The following GRM1 variants were observed in gnomAD, a reference collection of about 807,000 sequenced individuals.
GRM1 encodes glutamate metabotropic receptor 1.
GRM1 carries 33 observed loss-of-function variants against 90.9 expected under a neutral mutation model. The observed-to-expected ratio is 0.36, with a 90% confidence interval of 0.28 to 0.49. The LOEUF is 0.49. GRM1 is among the 20% of genes least tolerant of loss of function. The pLI, the probability that GRM1 is intolerant of heterozygous loss-of-function variation, is 0.99. For missense variants in GRM1, 1,190 were observed against 1,534.3 expected, an observed-to-expected ratio of 0.78 and a Z score of 3.75; for synonymous variants, 700 against 613.2, an observed-to-expected ratio of 1.14 and a Z score of -2.09.
chr6:146,326,542 C>T (rs1271079514), intron 3 of GRM1, among the ~76,000 whole-genome samples: 3 of 151,878 alleles, frequency 2.0e-5, no homozygotes, highest in African/African-American at 7.3e-5. Context: ...ACCCCCAGAA[C>T]ACAAGTTTAC....
At chr6:146,159,286 C>T in intron 1 of GRM1, 62 bp from the exon 2 acceptor site, 1 of 1,604,146 alleles carries the variant, frequency 6.2e-7, no homozygotes, top group Non-Finnish European at 8.5e-7. Context: ...GTTGTTATTC[C>T]ATTGTGTAAG....
chr6:146,224,625 G>A (rs768656405), intron 2 of GRM1, among the ~76,000 whole-genome samples: 6 of 152,078 alleles, frequency 3.9e-5, no homozygotes, highest in Non-Finnish European at 4.4e-5. Context: ...TCTGTGTTTC[G>A]TAACATGTCC....
At chr6:146,420,656 C>T (rs977327913) in intron 7 of GRM1, among the ~76,000 whole-genome samples, 1 of 152,126 alleles carries the variant, frequency 6.6e-6, no homozygotes, top group Non-Finnish European at 1.5e-5. Context: ...CCTAGGGAAA[C>T]AGACAATAGA....
rs574858884 is a variant in GRM1 at position 146,118,755 on chromosome 6, A to G, written c.701-40593A>G. On this transcript the variant is annotated intron_variant, in intron 1 of 7. Transcript: ENST00000282753. ...GGTTTCCAGCTTCATCCATGTCCCT[A>G]CAAAGGACATGAACTCATCCTTTTT... 5.5e-4 allele frequency among the ~76,000 whole-genome samples: 83 copies of G among 152,284 alleles called. No individual in the cohort carries two copies. The East Asian group carries it at 0.013, about 24-fold the overall frequency.
chr6:146,422,486 G>A (rs1778031361), intron 7 of GRM1, among the ~76,000 whole-genome samples: 1 of 152,060 alleles, frequency 6.6e-6, no homozygotes, highest in African/African-American at 2.4e-5. Context: ...AATAGCAATG[G>A]CTTATGGATT....
intron 2 of GRM1, among the ~76,000 whole-genome samples, chr6:146,217,816 A>G (rs1466342246): frequency 6.7e-6 from 1 of 149,578 alleles, no homozygotes; most frequent in Non-Finnish European, 1.5e-5. Flanking sequence ...TCAAGAATAG[A>G]GGAATATTTG....
chr6:146,198,080 A>G (rs1277231422), intron 2 of GRM1, among the ~76,000 whole-genome samples: 1 of 152,246 alleles, frequency 6.6e-6, no homozygotes, highest in South Asian at 2.1e-4. Context: ...GATTGTAGTG[A>G]TGGTATCATG....
intron 1 of GRM1, among the ~76,000 whole-genome samples, chr6:146,063,646 C>T (rs912407328): frequency 5.9e-5 from 9 of 151,554 alleles, no homozygotes; most frequent in African/African-American, 1.5e-4. Context: ...TATTTAATTC[C>T]GTATGCACAG....
In GRM1 at chr6:146,399,109, G is replaced by A. The variant is rs1777068148; in HGVS notation, c.2070G>A (p.Lys690=). The A allele has an allele frequency of 6.2e-7, 1 of 1,614,120 alleles. No individual in the cohort carries two copies. Among genetic ancestry groups the A allele is most frequent in the Middle Eastern group, 1.6e-4 (1 of 6,062 alleles). The stretch of plus-strand genomic sequence containing the variant: ...TTGCACGCATCCTGGCTGGCAGCAA[G>A]AAGAAGATCTGCACCCGGAAGCCCA... The part of the protein sequence containing the change: ...NRIARILAGS[K]KKICTRKPRF... Residue 690 remains lysine (K), a synonymous_variant, in exon 7 of 8, where the codon AAG becomes AAA. Transcript: ENST00000282753. This position sits in a 1 kb window ranked among gnomAD's most constrained non-coding sequence, Gnocchi z 5.4.
chr6:146,398,519 G>A (rs1361410455), intron 6 of GRM1, among the ~76,000 whole-genome samples: 3 of 152,164 alleles, frequency 2.0e-5, no homozygotes, highest in African/African-American at 4.8e-5. Context: ...GATGTTGGAA[G>A]AAAAGATCAT....
chr6:146,178,312 G>T (rs1267263912), intron 2 of GRM1, among the ~76,000 whole-genome samples: 2 of 152,072 alleles, frequency 1.3e-5, no homozygotes, highest in Non-Finnish European at 2.9e-5. Flanking sequence ...TTATGGATTT[G>T]GGGGATTAAG....
intron 2 of GRM1, among the ~76,000 whole-genome samples, chr6:146,241,418 G>T (rs1379984879): frequency 6.6e-6 from 1 of 152,048 alleles, no homozygotes; most frequent in East Asian, 1.9e-4. Context: ...TCTTAAAAGG[G>T]AATAATATTG....
At chr6:146,101,623 A>G (rs1174218445) in intron 1 of GRM1, among the ~76,000 whole-genome samples, 2 of 152,038 alleles carry the variant, frequency 1.3e-5, no homozygotes, top group East Asian at 1.9e-4. Flanking sequence ...TCCTCTCACA[A>G]TTAAAGCCAA....
chr6:146,071,748 C>T (rs1285450941), intron 1 of GRM1, among the ~76,000 whole-genome samples: 1 of 152,110 alleles, frequency 6.6e-6, no homozygotes, highest in Non-Finnish European at 1.5e-5. Flanking sequence ...AAAACCTTGA[C>T]CAACCCAATA....
At chr6:146,322,936 C>T (rs957815574) in intron 3 of GRM1, among the ~76,000 whole-genome samples, 1 of 152,106 alleles carries the variant, frequency 6.6e-6, no homozygotes, top group Non-Finnish European at 1.5e-5. Flanking sequence ...ATGAACTCAT[C>T]ATTTTTTATG....
At chr6:146,182,984 C>T (rs1375944849) in intron 2 of GRM1, among the ~76,000 whole-genome samples, 1 of 152,020 alleles carries the variant, frequency 6.6e-6, no homozygotes, top group Admixed American at 6.6e-5. Context: ...TTAGTTACTA[C>T]AGTAGAAATG....
At chr6:146,253,716 A>G (rs1185877457) in intron 2 of GRM1, among the ~76,000 whole-genome samples, 4 of 152,174 alleles carry the variant, frequency 2.6e-5, no homozygotes, top group Non-Finnish European at 5.9e-5. Flanking sequence ...CCTGAAGTGA[A>G]CAGAAAATTG....
At chr6:146,049,862 C>G (rs1479522365) in intron 1 of GRM1, among the ~76,000 whole-genome samples, 1 of 151,906 alleles carries the variant, frequency 6.6e-6, no homozygotes, top group Non-Finnish European at 1.5e-5. Context: ...CTCTCGATAA[C>G]CCTAGAAGGT....
intron 2 of GRM1, among the ~76,000 whole-genome samples, chr6:146,168,605 A>G (rs1777993889): frequency 6.6e-6 from 1 of 151,982 alleles, no homozygotes; most frequent in South Asian, 2.1e-4. Context: ...TTCTGCCTAA[A>G]GAATTTCGTT....
Sources: allele counts gnomAD v4.1 joint callset (sites outside exome capture counted in the v4.1 genomes callset), GRCh38; gene constraint gnomAD v4.1.1; non-coding constraint Gnocchi (gnomAD v3.1); transcripts MANE v1.5; gene names NCBI Gene and HGNC (gene_info 2026-07-23, HGNC 2026-07-21).